Variants in ADAM7 observed in about 807,000 individuals in gnomAD.
The protein encoded by ADAM7 is disintegrin and metalloproteinase domain-containing protein 7.
In ADAM7, 97 loss-of-function variants were observed where a neutral mutation model predicts 102.9. That is an observed-to-expected ratio of 0.94 (90% CI 0.80 to 1.12). ADAM7 has a LOEUF of 1.12. Ranked by LOEUF, ADAM7 falls within the 50% of genes most tolerant of loss-of-function variation. The pLI is 0.00. For missense variants in ADAM7, 991 were observed against 908.7 expected (o/e 1.09, Z -1.16); for synonymous variants, 334 against 304.4 (o/e 1.10, Z -1.01).
intron 8 of ADAM7, 26 bp downstream of exon 8, chr8:24,476,530 C>G: frequency 6.4e-7 from 1 of 1,562,790 alleles, no homozygotes; most frequent in Non-Finnish European, 8.8e-7. Context: ...GTTTTTGAAT[C>G]AAGCCAATAA....
chr8:24,453,229 A>G (rs1818869191), intron 3 of ADAM7, among the ~76,000 whole-genome samples: 2 of 152,220 alleles, frequency 1.3e-5, no homozygotes, highest in Admixed American at 6.5e-5. Context: ...TCTCCTGGAT[A>G]ATATCTTGCA....
At chr8:24,458,246 T>C (rs2129378641) in intron 3 of ADAM7, among the ~76,000 whole-genome samples, 1 of 152,334 alleles carries the variant, frequency 6.6e-6, no homozygotes, top group East Asian at 1.9e-4. Context: ...AATTTCATTT[T>C]AACTTACTGA....
chr8:24,453,632 A>T (rs1818886885), intron 3 of ADAM7, among the ~76,000 whole-genome samples: 1 of 152,176 alleles, frequency 6.6e-6, no homozygotes, highest in African/African-American at 2.4e-5. Context: ...TGATCGTCTG[A>T]AGCCTTCTTC....
At chr8:24,500,754 T>C in intron 18 of ADAM7, 36 bp from the exon 19 acceptor site, 2 of 1,539,394 alleles carry the variant, frequency 1.3e-6, no homozygotes, top group Non-Finnish European at 1.8e-6. Context: ...TTACAACTGA[T>C]ACCCTCGATG....
chr8:24,488,359 G>T (rs1213070449), intron 11 of ADAM7, among the ~76,000 whole-genome samples: 4 of 152,058 alleles, frequency 2.6e-5, no homozygotes, highest in Admixed American at 1.3e-4. Context: ...AATCCCTTCG[G>T]AGCAGGTATA....
intron 20 of ADAM7, among the ~76,000 whole-genome samples, chr8:24,505,069 G>A (rs1187834139): frequency 1.3e-5 from 2 of 152,108 alleles, no homozygotes; most frequent in Non-Finnish European, 2.9e-5. Context: ...GAAATTGTAT[G>A]TAAATATACT....
At chr8:24,505,252 A>G (rs1820910933) in intron 20 of ADAM7, among the ~76,000 whole-genome samples, 1 of 152,156 alleles carries the variant, frequency 6.6e-6, no homozygotes, top group Non-Finnish European at 1.5e-5. Context: ...CTGCTCAATG[A>G]TGAATAACCA....
At chr8:24,479,810 A>G (rs1819888439) in intron 8 of ADAM7, among the ~76,000 whole-genome samples, 1 of 152,208 alleles carries the variant, frequency 6.6e-6, no homozygotes, top group Non-Finnish European at 1.5e-5. Flanking sequence ...CTCTGGCACC[A>G]TTTCTCCTTG....
At chr8:24,460,765 GTGTATATA>G (rs1563378292) in intron 3 of ADAM7, among the ~76,000 whole-genome samples, 2 of 149,210 alleles carry the variant, frequency 1.3e-5, no homozygotes, top group African/African-American at 2.5e-5. Context: ...GTGTGTGTGT[GTGTATATA>G]TATATATATA....
rs550193230 is a variant in ADAM7, at chr8:24,467,294, G to T, written c.579+306G>T. Reference sequence around the variant, plus strand: ...TGTCCTAAAACCTAATCTAGAGATAGTGTCTTTCCTTTTCTTCCCTGCCAT... The same window carrying T: ...TGTCCTAAAACCTAATCTAGAGATATTGTCTTTCCTTTTCTTCCCTGCCAT... On this transcript the variant is annotated intron_variant, in intron 6 of 21. Transcript: ENST00000175238. 15 of 393,694 alleles carry T rather than the reference G, an allele frequency of 3.8e-5. No individual in the cohort carries two copies. The South Asian group carries it at 1.1e-3, about 30-fold the overall frequency. The allele number at this position is 393,694 out of a possible 1,614,324, so 24.4% of individuals were successfully genotyped here. A position where few individuals can be genotyped will look rare whatever the true frequency, so the allele number is the denominator to read the frequency against.
chr8:24,466,742 C>T, intron 5 of ADAM7, 57 bp from the exon 6 acceptor site: 4 of 1,513,402 alleles, frequency 2.6e-6, no homozygotes, highest in Non-Finnish European at 3.6e-6. Flanking sequence ...AAAGTCAATA[C>T]AATGAAATAG....
chr8:24,468,747 A>G lies in ADAM7; in HGVS notation c.580-20A>G. 6.2e-7 allele frequency: 1 copy of G among 1,610,622 alleles called. No homozygotes were observed. The highest frequency in any genetic ancestry group is 8.5e-7 in the Non-Finnish European group (1 of 1,177,776). ...GAAAGTGTTAACTATACTTCAACTG[A>G]ATTTTCCCTAACTTTACAGGGCATC... On this transcript the variant is annotated intron_variant, in intron 6 of 21. Transcript: ENST00000175238.
chr8:24,506,221 A>T, intron 20 of ADAM7: 1 of 1,283,008 alleles, frequency 7.8e-7, no homozygotes, highest in Non-Finnish European at 1.1e-6. Context: ...TTTTCATGAA[A>T]CTTAATCATT....
At position 24,508,756 on chromosome 8, in the gene ADAM7, T is replaced by G. The variant is rs993683656; in HGVS notation, c.*210T>G. ...CACACCCTCTATCATAAACATATGCTGCAGAAAAAAAATGTCTTGTGGTCT... is the reference window on the plus strand; with the variant it reads ...CACACCCTCTATCATAAACATATGCGGCAGAAAAAAAATGTCTTGTGGTCT... On this transcript the variant is annotated 3_prime_UTR_variant, in exon 22 of 22. Transcript: ENST00000175238. The G allele has an allele frequency of 2.2e-6, 3 of 1,360,008 alleles. No homozygotes were observed. Among genetic ancestry groups the G allele is most frequent in the African/African-American group, 1.5e-5 (1 of 68,214 alleles). 84.2% of individuals were successfully genotyped at this position (1,360,008 alleles called of 1,614,324 possible). A position where few individuals can be genotyped will look rare whatever the true frequency, so the allele number is the denominator to read the frequency against.
Position 24,493,078 on chromosome 8 carries a change from G to A in ADAM7, c.1691G>A (p.Gly564Glu), listed in dbSNP as rs1820423851. 3 of 1,608,452 alleles carry A rather than the reference G, an allele frequency of 1.9e-6. No homozygotes were observed. The highest frequency in any genetic ancestry group is 1.7e-4 in the Middle Eastern group (1 of 6,026). The change falls in exon 16 of 22, where the codon GGG (glycine) becomes GAG (glutamate). Residue 564 changes from glycine to glutamate, a missense_variant. By Grantham distance (98) the Gly-to-Glu change is moderately conservative (BLOSUM62 -2). Coordinates refer to ENST00000175238, the MANE Select transcript of ADAM7 (RefSeq NM_003817.4). ...TGTGGAAAGATCTACTGCACTGGAG[G>A]GGAGCTTTCCTCTCTCCTTGGAGAA... ...VRCGKIYCTG[G>E]ELSSLLGEDK...
intron 6 of ADAM7, chr8:24,467,328 G>A (rs1281738568): frequency 2.4e-5 from 8 of 329,896 alleles, no homozygotes; most frequent in Non-Finnish European, 4.4e-5. Context: ...ATTTTTTTTT[G>A]CAGAGTTATT....
At chr8:24,471,977 A>T (rs1285238771) in intron 7 of ADAM7, among the ~76,000 whole-genome samples, 2 of 151,878 alleles carry the variant, frequency 1.3e-5, no homozygotes, top group South Asian at 2.1e-4. Flanking sequence ...TCTCTCCAAA[A>T]ATATATCTTA....
chr8:24,449,140 T>A (rs1818680323), intron 3 of ADAM7, among the ~76,000 whole-genome samples: 1 of 152,228 alleles, frequency 6.6e-6, no homozygotes, highest in African/African-American at 2.4e-5. Context: ...TATAGCAGCA[T>A]GATTTATAGT....
chr8:24,491,223 G>C (rs1442461201), intron 13 of ADAM7, among the ~76,000 whole-genome samples: 1 of 152,200 alleles, frequency 6.6e-6, no homozygotes, highest in Non-Finnish European at 1.5e-5. Flanking sequence ...AAAAGGGAAA[G>C]GGGTTATATT....
Sources: allele counts gnomAD v4.1 joint callset (sites outside exome capture counted in the v4.1 genomes callset), GRCh38; gene constraint gnomAD v4.1.1; transcripts MANE v1.5; gene names NCBI Gene and HGNC (gene_info 2026-07-23, HGNC 2026-07-21).